Variants in ZNF578 observed in about 807,000 individuals in gnomAD.
The protein encoded by ZNF578 is Putative chemokine-related protein B42.
ZNF578 carries 8 observed loss-of-function variants against 8.3 expected under a neutral mutation model. The observed-to-expected ratio is 0.96, with a 90% CI of 0.56 to 1.74. The LOEUF (loss-of-function observed/expected upper bound fraction) is 1.74, where lower values mean the gene tolerates loss of function less well. Among genes scored for constraint, ZNF578 ranks in the 40% most tolerant of loss-of-function variants. The pLI is 0.00. For synonymous variants in ZNF578, 206 were observed against 232.2 expected, an observed-to-expected ratio of 0.89 and a Z score of 1.03; for missense variants, 726 against 707.5, an observed-to-expected ratio of 1.03 and a Z score of -0.30.
intron 3 of ZNF578, among the ~76,000 whole-genome samples, chr19:52,500,309 T>TG (rs2059402135): frequency 6.6e-6 from 1 of 151,888 alleles, no homozygotes; most frequent in South Asian, 2.1e-4. Context: ...TCTGGGAAGG[T>TG]GGGAGAACTT....
intron 3 of ZNF578, among the ~76,000 whole-genome samples, chr19:52,497,024 C>T (rs1221191121): frequency 3.9e-5 from 6 of 152,100 alleles, no homozygotes; most frequent in African/African-American, 1.4e-4. Flanking sequence ...TAGCAACCTC[C>T]TGGGCTCAAG....
intron 2 of ZNF578, among the ~76,000 whole-genome samples, chr19:52,477,609 T>TG (rs1046221189): frequency 1.1e-4 from 16 of 152,058 alleles, no homozygotes; most frequent in African/African-American, 3.4e-4. Flanking sequence ...TTTTTTTTTT[T>TG]TTCCATTTTA....
At chr19:52,486,358 T>G (rs888091847) in intron 2 of ZNF578, among the ~76,000 whole-genome samples, 1 of 152,160 alleles carries the variant, frequency 6.6e-6, no homozygotes, top group Admixed American at 6.6e-5. Context: ...ACCAGTGCCG[T>G]CGTGGGTCCT....
At position 52,516,094 on chromosome 19, in the gene ZNF578, A is replaced by C. The variant is rs7257823; in HGVS notation, c.*3940A>C. ...CACATTTGCTTTTCTCTTTTCCCAA[A>C]CATCAAAACCCTTCCTGTCTCAGGT... On this transcript the variant is annotated 3_prime_UTR_variant, in exon 6 of 6. Transcript: ENST00000421239. Among the ~76,000 whole-genome samples the C allele has an allele frequency of 0.2, 29,623 of 151,842 alleles. 3,406 individuals are homozygous for C. The highest frequency in any genetic ancestry group is 0.48 in the East Asian group (2,459 of 5,116).
At chr19:52,483,888 C>T (rs150033100) in intron 2 of ZNF578, among the ~76,000 whole-genome samples, 1 of 152,112 alleles carries the variant, frequency 6.6e-6, no homozygotes, top group Non-Finnish European at 1.5e-5. Flanking sequence ...GGGCGTTTCT[C>T]ATCAGGTGGA....
intron 2 of ZNF578, among the ~76,000 whole-genome samples, chr19:52,459,990 C>A (rs1036939429): frequency 6.7e-6 from 1 of 150,180 alleles, no homozygotes. Context: ...TGGTCTCAAT[C>A]TGTTGACCTC....
intron 5 of ZNF578, among the ~76,000 whole-genome samples, chr19:52,509,616 A>G (rs2059437314): frequency 6.6e-6 from 1 of 152,076 alleles, no homozygotes; most frequent in Admixed American, 6.6e-5. Context: ...AAAACACACA[A>G]ACTAGCCAGT....
chr19:52,504,973 C>T lies in ZNF578; in HGVS notation c.190+192C>T, dbSNP rs376235671. Among the ~76,000 whole-genome samples the T allele has an allele frequency of 3.6e-4, 55 of 152,288 alleles. 1 individual carries two copies. In the East Asian group the frequency reaches 9.6e-3, roughly 27 times the overall value. On this transcript the variant is annotated intron_variant, in intron 5 of 5. Transcript: ENST00000421239. Reference sequence around the variant, plus strand: ...TGGTATATCGGCTCATCATAACCTCCACCTTCCGGGTTCAAGTGATTCTCC... The same window carrying T: ...TGGTATATCGGCTCATCATAACCTCTACCTTCCGGGTTCAAGTGATTCTCC...
Position 52,511,743 on chromosome 19 carries a change from T to C in ZNF578, c.1362T>C (p.Ser454=), listed in dbSNP as rs76158839. The C allele has an allele frequency of 6.2e-7, 1 of 1,613,776 alleles. No homozygotes were observed. Among genetic ancestry groups the C allele is most frequent in the Non-Finnish European group, 8.5e-7 (1 of 1,179,878 alleles). ...RHHRLHTGEK[S]YKCEECDRVF... ...ATAGACTTCATACTGGAGAGAAATC[T>C]TACAAATGTGAAGAATGTGACAGAG... Residue 454 remains serine, a synonymous_variant, in exon 6 of 6, where the codon TCT becomes TCC. Coordinates refer to ENST00000421239, the MANE Select transcript of ZNF578 (RefSeq NM_001099694.2).
At chr19:52,461,981 T>A (rs1264813487) in intron 2 of ZNF578, among the ~76,000 whole-genome samples, 4 of 152,192 alleles carry the variant, frequency 2.6e-5, no homozygotes, top group Non-Finnish European at 4.4e-5. Context: ...AGATCCTGTT[T>A]TAGTTTTGTC....
chr19:52,465,729 A>G (rs2059272869), intron 2 of ZNF578, among the ~76,000 whole-genome samples: 1 of 152,232 alleles, frequency 6.6e-6, no homozygotes, highest in African/African-American at 2.4e-5. Context: ...GCGTTGCTGT[A>G]GCAAGCTCAA....
At chr19:52,474,055 T>A in intron 2 of ZNF578, 1 of 426,516 alleles carries the variant, frequency 2.3e-6, no homozygotes, top group South Asian at 1.9e-5. Flanking sequence ...CCTTGCCACA[T>A]TCATTACATT....
At chr19:52,467,804 A>G (rs1442525447) in intron 2 of ZNF578, among the ~76,000 whole-genome samples, 1 of 152,214 alleles carries the variant, frequency 6.6e-6, no homozygotes, top group Non-Finnish European at 1.5e-5. Context: ...TGTGGATACT[A>G]ACAAGATTAT....
At chr19:52,465,770 C>T (rs1050498942) in intron 2 of ZNF578, among the ~76,000 whole-genome samples, 1 of 152,220 alleles carries the variant, frequency 6.6e-6, no homozygotes, top group Non-Finnish European at 1.5e-5. Flanking sequence ...CAGTTTGTCC[C>T]ATTTGTGTCC....
chr19:52,483,455 T>C (rs2059334333), intron 2 of ZNF578, among the ~76,000 whole-genome samples: 1 of 151,886 alleles, frequency 6.6e-6, no homozygotes, highest in Admixed American at 6.6e-5. Context: ...AAAGCACGAG[T>C]CCTATTCACG....
chr19:52,487,654 AGGGTACG>A (rs2059350145), intron 2 of ZNF578, among the ~76,000 whole-genome samples: 1 of 152,162 alleles, frequency 6.6e-6, no homozygotes, highest in African/African-American at 2.4e-5. Flanking sequence ...ATTTTGAGAC[AGGGTACG>A]GCTCTATCAC....
intron 2 of ZNF578, among the ~76,000 whole-genome samples, chr19:52,472,057 G>A (rs116310139): frequency 6.6e-6 from 1 of 152,048 alleles, no homozygotes; most frequent in Non-Finnish European, 1.5e-5. Flanking sequence ...GCATGCCATG[G>A]GTCTTATTTG....
chr19:52,461,891 C>T (rs150380171), intron 2 of ZNF578, among the ~76,000 whole-genome samples: 39 of 152,168 alleles, frequency 2.6e-4, no homozygotes, highest in African/African-American at 7.7e-4. Flanking sequence ...GGATGTGGTC[C>T]GGCTGTACCA....
intron 3 of ZNF578, among the ~76,000 whole-genome samples, chr19:52,492,388 C>G (rs2059368766): frequency 1.3e-5 from 2 of 152,160 alleles, no homozygotes; most frequent in Admixed American, 6.5e-5. Context: ...CCTGAGCACT[C>G]AGTCCCGCAT....
Sources: allele counts gnomAD v4.1 joint callset (sites outside exome capture counted in the v4.1 genomes callset), GRCh38; gene constraint gnomAD v4.1.1; transcripts MANE v1.5; gene names NCBI Gene and HGNC (gene_info 2026-07-23, HGNC 2026-07-21).